Variants in PTCH1 observed in about 807,000 individuals in gnomAD.
PTCH1 encodes the protein patched 1.
In PTCH1, 14 loss-of-function variants were observed where a neutral mutation model predicts 144.6. The observed-to-expected ratio is 0.10, with a 90% CI of 0.06 to 0.15. The LOEUF (loss-of-function observed/expected upper bound fraction) is 0.15, where lower values mean the gene tolerates loss of function less well. Among genes scored for constraint, PTCH1 ranks in the 10% least tolerant of loss-of-function variants. The pLI is 1.00. For missense variants in PTCH1, 1,623 were observed against 1,948.3 expected (o/e 0.83, Z 3.14); for synonymous variants, 833 against 793.6 (o/e 1.05, Z -0.83).
At chr9:95,509,526 T>TGCTCC (rs1844029368), upstream of PTCH1, among the ~76,000 whole-genome samples, 1 of 152,246 alleles carries the variant, frequency 6.6e-6, no homozygotes, top group South Asian at 2.1e-4. Flanking sequence ...CATTAAGGAA[T>TGCTCC]GCTCCCCCTC....
At chr9:95,457,581 C>A (rs915800836) in intron 18 of PTCH1, among the ~76,000 whole-genome samples, 1 of 152,116 alleles carries the variant, frequency 6.6e-6, no homozygotes, top group African/African-American at 2.4e-5. Flanking sequence ...CACACAAAAT[C>A]ATTTTCTCCA....
At chr9:95,462,490 T>C (rs1402620312) in intron 15 of PTCH1, among the ~76,000 whole-genome samples, 1 of 152,218 alleles carries the variant, frequency 6.6e-6, no homozygotes, top group Non-Finnish European at 1.5e-5. Context: ...AACACGATTC[T>C]GTCAATTTGT....
intron 2 of PTCH1, among the ~76,000 whole-genome samples, chr9:95,500,596 C>G (rs541704317): frequency 6.6e-6 from 1 of 152,268 alleles, no homozygotes; most frequent in South Asian, 2.1e-4. Flanking sequence ...AGGGCAGTGA[C>G]AGCAGAATCC....
At chr9:95,462,351 T>C (rs949502243) in intron 15 of PTCH1, among the ~76,000 whole-genome samples, 2 of 152,190 alleles carry the variant, frequency 1.3e-5, no homozygotes, top group African/African-American at 4.8e-5. Context: ...AACCGTTTCG[T>C]GCCACTCGGG....
upstream of PTCH1, among the ~76,000 whole-genome samples, chr9:95,510,629 T>G (rs927491528): frequency 1.3e-5 from 2 of 152,064 alleles, no homozygotes; most frequent in African/African-American, 4.8e-5. Flanking sequence ...ATTTTTTTTT[T>G]TAAACGGGGT....
At chr9:95,515,731 G>A (rs2118952417) in intron 1 of PTCH1, among the ~76,000 whole-genome samples, 1 of 152,306 alleles carries the variant, frequency 6.6e-6, no homozygotes, top group African/African-American at 2.4e-5. Context: ...CCAAGCGCCT[G>A]AATCGGTGGG....
Position 95,459,419 on chromosome 9 carries a change from C to T in PTCH1, c.2887+181G>A, listed in dbSNP as rs181215935. 5.9e-5 allele frequency among the ~76,000 whole-genome samples: 9 copies of T among 152,260 alleles called. No individual in the cohort carries two copies. In the East Asian group the frequency reaches 1.5e-3, roughly 26 times the overall value. On this transcript the variant is annotated intron_variant, in intron 17 of 23. Coordinates refer to ENST00000331920, the MANE Select transcript of PTCH1 (RefSeq NM_000264.5). ...ACTGATTTCCCAATGTGATAGAGTG[C>T]GGGGGTTGTATCCCATTACACATCC...
chr9:95,513,698 T>C (rs1844247273), upstream of PTCH1, among the ~76,000 whole-genome samples: 1 of 152,118 alleles, frequency 6.6e-6, no homozygotes, highest in African/African-American at 2.4e-5. Context: ...AAAATGAGTC[T>C]AAAAGGTTTC....
chr9:95,471,435 T>C (rs1261016381), intron 12 of PTCH1, among the ~76,000 whole-genome samples: 1 of 152,266 alleles, frequency 6.6e-6, no homozygotes, highest in African/African-American at 2.4e-5. Context: ...ACCACTCTAA[T>C]GTATTTAAGA....
chr9:95,443,673 G>C lies in PTCH1; in HGVS notation c.*2720C>G, dbSNP rs748938996. 5.2e-5 allele frequency: 8 copies of C among 152,526 alleles called. No individual in the cohort carries two copies. The highest frequency in any genetic ancestry group is 1.2e-4 in the Non-Finnish European group (8 of 68,026). The allele number at this position is 152,526 out of a possible 1,614,324, so 9.4% of individuals were successfully genotyped here. A position where few individuals can be genotyped will look rare whatever the true frequency, so the allele number is the denominator to read the frequency against. On this transcript the variant is annotated 3_prime_UTR_variant, in exon 24 of 24. Coordinates refer to ENST00000331920, the MANE Select transcript of PTCH1 (RefSeq NM_000264.5). Reference sequence around the variant, plus strand: ...CCACTCATGTCTCAGCAAAGTTCCAGACATTATGGATTCATCACATATAAA... The same window carrying C: ...CCACTCATGTCTCAGCAAAGTTCCACACATTATGGATTCATCACATATAAA...
At chr9:95,481,862 G>T in intron 5 of PTCH1, 87 bp downstream of exon 5, 1 of 1,245,790 alleles carries the variant, frequency 8.0e-7, no homozygotes, top group Non-Finnish European at 1.2e-6. Flanking sequence ...GTTCAAAACT[G>T]AAATGGAACA....
At position 95,467,313 on chromosome 9, in the gene PTCH1, T is replaced by G; in HGVS notation, c.2363A>C (p.Tyr788Ser). ...TDIVPRETRE[Y>S]DFIAAQFKYF... ...TTTGAATTGTGCAGCAATAAAGTCATATTCTCTGGTTTCCCGAGGTACAAT... is the reference window on the plus strand; with the variant it reads ...TTTGAATTGTGCAGCAATAAAGTCAGATTCTCTGGTTTCCCGAGGTACAAT... The change falls in exon 15 of 24, where the codon TAT (tyrosine) becomes TCT (serine). Residue 788 changes from tyrosine to serine, a missense_variant. Around this residue, in one of 7 missense-constraint regions of PTCH1, gnomAD observed 504 missense variants for 679.3 expected, o/e 0.74. Transcript: ENST00000331920. The G allele has an allele frequency of 6.2e-7, 1 of 1,614,200 alleles. No homozygotes were observed. The highest frequency in any genetic ancestry group is 8.5e-7 in the Non-Finnish European group (1 of 1,180,024).
rs542742404 is a variant in PTCH1, at chr9:95,449,678, C to G, written c.3549+163G>C. 1 of 799,406 alleles carries G rather than the reference C, an allele frequency of 1.3e-6. No homozygotes were observed. The highest frequency in any genetic ancestry group is 1.6e-5 in the South Asian group (1 of 62,660). 49.5% of individuals were successfully genotyped at this position (799,406 alleles called of 1,614,324 possible). A position where few individuals can be genotyped will look rare whatever the true frequency, so the allele number is the denominator to read the frequency against. On this transcript the variant is annotated intron_variant, in intron 21 of 23. Coordinates refer to ENST00000331920, the MANE Select transcript of PTCH1 (RefSeq NM_000264.5). The surrounding 1 kb of genome is among the most constrained non-coding windows in gnomAD (Gnocchi z 5.3). ...ACCAAACCGAACCCGCCCTCTAGCC[C>G]TCAAAGCCAGTACACCGAAGAGGAA... is the stretch of plus-strand genomic sequence containing the variant.
At chr9:95,490,529 A>ACC (rs149674283) in intron 2 of PTCH1, among the ~76,000 whole-genome samples, 3,725 of 143,046 alleles carry the variant, frequency 0.026, 173 homozygotes, top group African/African-American at 0.087. Flanking sequence ...TGACACACAC[A>ACC]CACACACACA....
Position 95,476,254 on chromosome 9 carries a change from C to T in PTCH1, c.1603-95G>A. ...GCAGATACGTGGCAGAATAACACAA[C>T]TGTTATTACAGCTTATCATGCTGGC... On this transcript the variant is annotated intron_variant, in intron 11 of 23. Transcript: ENST00000331920. The surrounding 1 kb of genome is among the most constrained non-coding windows in gnomAD (Gnocchi z 4.6). 1 of 1,497,918 alleles carries T rather than the reference C, an allele frequency of 6.7e-7. No homozygotes were observed. The highest frequency in any genetic ancestry group is 9.0e-7 in the Non-Finnish European group (1 of 1,107,292). 92.8% of individuals were successfully genotyped at this position (1,497,918 alleles called of 1,614,324 possible).
intron 18 of PTCH1, 134 bp downstream of exon 18, chr9:95,457,879 A>G (rs1839080134): frequency 1.6e-6 from 2 of 1,242,678 alleles, no homozygotes; most frequent in South Asian, 2.6e-5. Context: ...CACCTCGAGT[A>G]GAATAAACAT....
chr9:95,501,032 A>T (rs905282537), intron 2 of PTCH1, among the ~76,000 whole-genome samples: 1 of 152,218 alleles, frequency 6.6e-6, no homozygotes, highest in Non-Finnish European at 1.5e-5. Flanking sequence ...CAGGAATGGG[A>T]TGGGGGAGTT....
intron 8 of PTCH1, 77 bp downstream of exon 8, chr9:95,478,923 G>T (rs1841308722): frequency 1.9e-6 from 3 of 1,602,552 alleles, no homozygotes; most frequent in Admixed American, 1.7e-5. Context: ...CGAATGGAAA[G>T]AAATGTTTTA....
At chr9:95,474,011 C>A (rs1464502719) in intron 12 of PTCH1, 1 of 461,868 alleles carries the variant, frequency 2.2e-6, no homozygotes, top group Non-Finnish European at 4.3e-6. Flanking sequence ...AAGGTGCTTA[C>A]CTTGGGAGAA....
Sources: gnomAD v4.1 joint callset for allele counts (sites outside exome capture counted in the v4.1 genomes callset) on GRCh38, gnomAD v4.1.1 for gene constraint, gnomAD v4.1.1 regional missense constraint, Gnocchi (gnomAD v3.1) non-coding constraint, MANE v1.5 for transcripts, NCBI Gene and HGNC (gene_info 2026-07-23, HGNC 2026-07-21) for gene names.